The following KATNBL1 variants were observed in gnomAD, a reference collection of about 807,000 sequenced individuals.
KATNBL1 encodes the protein KATNB1-like protein 1.
KATNBL1 carries 28 observed loss-of-function variants against 44.7 expected under a neutral mutation model. The observed-to-expected ratio is 0.63, with a 90% CI of 0.46 to 0.86. KATNBL1 has a LOEUF of 0.86. Among genes scored for constraint, KATNBL1 ranks in the 40% least tolerant of loss-of-function variants. KATNBL1 has a pLI of 0.00. For synonymous variants in KATNBL1, 78 were observed against 114.9 expected (o/e 0.68, Z 2.06); for missense variants, 272 against 350.7 (o/e 0.78, Z 1.79).
chr15:34,174,540 T>G (rs895949655), intron 1 of KATNBL1, among the ~76,000 whole-genome samples: 3 of 152,172 alleles, frequency 2.0e-5, no homozygotes, highest in African/African-American at 7.2e-5. Flanking sequence ...AGCCAGAGAT[T>G]GATGGAGTAA....
intron 2 of KATNBL1, 89 bp from the exon 3 acceptor site, chr15:34,154,773 C>T (rs1399324663): frequency 5.7e-6 from 5 of 876,810 alleles, no homozygotes; most frequent in Non-Finnish European, 7.5e-6. Context: ...GCTTTCTCAG[C>T]AAGGCAATTT....
intron 1 of KATNBL1, among the ~76,000 whole-genome samples, chr15:34,167,732 C>T (rs529289702): frequency 2.8e-4 from 43 of 151,870 alleles, no homozygotes; most frequent in African/African-American, 9.6e-4. Flanking sequence ...AGACTAACAG[C>T]GCATTTCTCG....
intron 2 of KATNBL1, among the ~76,000 whole-genome samples, chr15:34,158,214 C>T (rs1168340449): frequency 6.6e-6 from 1 of 152,182 alleles, no homozygotes; most frequent in Non-Finnish European, 1.5e-5. Flanking sequence ...GACTGCATCA[C>T]ACATAGCTTG....
At position 34,154,659 on chromosome 15, in the gene KATNBL1, G is replaced by C. The variant is rs1888582694; in HGVS notation, c.143C>G (p.Ala48Gly). The C allele has an allele frequency of 6.3e-7, 1 of 1,585,734 alleles. No individual in the cohort carries two copies. Among genetic ancestry groups the C allele is most frequent in the African/African-American group, 1.3e-5 (1 of 74,302 alleles). The change falls in exon 3 of 10, where the codon GCT (alanine) becomes GGT (glycine). Residue 48 changes from alanine (A) to glycine (G), a missense_variant. Around this residue, in one of 3 missense-constraint regions of KATNBL1, gnomAD observed 122 missense variants for 125.0 expected, o/e 0.98. Coordinates refer to ENST00000256544, the MANE Select transcript of KATNBL1 (RefSeq NM_024713.3). The part of the protein sequence containing the change: ...KEVKKSPKQL[A>G]AYINRTVGQT... Reference sequence around the variant, plus strand: ...AAACTCTTACCTATTTATGTAAGCAGCCAACTGTTTTGGAGATTTCTTAAC... The same window carrying C: ...AAACTCTTACCTATTTATGTAAGCACCCAACTGTTTTGGAGATTTCTTAAC...
At chr15:34,170,739 T>C (rs551263373) in intron 1 of KATNBL1, among the ~76,000 whole-genome samples, 2 of 151,992 alleles carry the variant, frequency 1.3e-5, no homozygotes, top group African/African-American at 2.4e-5. Flanking sequence ...CCAAAACAGA[T>C]ATATAGACCA....
intron 1 of KATNBL1, among the ~76,000 whole-genome samples, chr15:34,169,381 C>A (rs1244498246): frequency 2.6e-5 from 4 of 152,174 alleles, no homozygotes; most frequent in Non-Finnish European, 4.4e-5. Flanking sequence ...CCTCCCAAGA[C>A]TAAACCAGGA....
intron 1 of KATNBL1, among the ~76,000 whole-genome samples, chr15:34,196,404 C>T (rs1890030538): frequency 2.6e-5 from 4 of 151,876 alleles, no homozygotes; most frequent in South Asian, 2.1e-4. Context: ...GGCAACAGAG[C>T]GAGACTTTGT....
rs1160480038 is a variant in KATNBL1 at position 34,209,938 on chromosome 15, G to C, written c.-15+13C>G. The C allele has an allele frequency of 1.3e-5, 2 of 151,706 alleles. No individual in the cohort carries two copies. Among genetic ancestry groups the C allele is most frequent in the African/African-American group, 4.8e-5 (2 of 41,386 alleles). The allele number at this position is 151,706 out of a possible 1,614,324, so 9.4% of individuals were successfully genotyped here. ...GCGGGCGCGGGGCTCGCACCGGCTC[G>C]GCAGTCACTTACCGGCGCCTCATGG... On this transcript the variant is annotated intron_variant, in intron 1 of 9. Coordinates refer to ENST00000256544, the MANE Select transcript of KATNBL1 (RefSeq NM_024713.3).
intron 9 of KATNBL1, 56 bp from the exon 10 acceptor site, chr15:34,142,427 A>G: frequency 6.6e-7 from 1 of 1,518,464 alleles, no homozygotes. Context: ...ACAAACATAA[A>G]CAATCCATTT....
At chr15:34,204,481 G>A (rs544111230) in intron 1 of KATNBL1, among the ~76,000 whole-genome samples, 1 of 152,128 alleles carries the variant, frequency 6.6e-6, no homozygotes, top group East Asian at 1.9e-4. Flanking sequence ...TCAGCCTTCC[G>A]TATTCATGGC....
chr15:34,169,364 C>T (rs545404323), intron 1 of KATNBL1, among the ~76,000 whole-genome samples: 40 of 152,198 alleles, frequency 2.6e-4, no homozygotes, highest in East Asian at 1.4e-3. Context: ...TTCCTGGATA[C>T]GTACACCCTC....
rs1451542967 is a variant in KATNBL1 at position 34,181,719 on chromosome 15, T to C, written c.-14-18029A>G. On this transcript the variant is annotated intron_variant, in intron 1 of 9. Coordinates refer to ENST00000256544, the MANE Select transcript of KATNBL1 (RefSeq NM_024713.3). ...ATATATATCCATATATATGGACATATATATGTCCATATATACACATATATA... is the reference window on the plus strand; with the variant it reads ...ATATATATCCATATATATGGACATACATATGTCCATATATACACATATATA... Among the ~76,000 whole-genome samples, 2 of 126,108 alleles carry C rather than the reference T, an allele frequency of 1.6e-5. 1 individual carries two copies. The highest frequency in any genetic ancestry group is 3.5e-5 in the Non-Finnish European group (2 of 57,346). The allele number at this position is 126,108 out of a possible 152,430, so 82.7% of individuals were successfully genotyped here.
At chr15:34,180,890 C>T (rs369297436) in intron 1 of KATNBL1, among the ~76,000 whole-genome samples, 5 of 151,914 alleles carry the variant, frequency 3.3e-5, no homozygotes, top group African/African-American at 9.7e-5. Flanking sequence ...TAGTGAGACC[C>T]GTCTCCAAAA....
intron 2 of KATNBL1, among the ~76,000 whole-genome samples, chr15:34,161,602 C>G (rs918525663): frequency 6.6e-6 from 1 of 152,176 alleles, no homozygotes; most frequent in African/African-American, 2.4e-5. Context: ...TTATCCCTAA[C>G]GCAGCTAGTC....
intron 1 of KATNBL1, among the ~76,000 whole-genome samples, chr15:34,174,583 A>G (rs1245729733): frequency 6.6e-6 from 1 of 152,212 alleles, no homozygotes; most frequent in East Asian, 1.9e-4. Flanking sequence ...TACGTTGTCC[A>G]CAAGAAACTC....
rs112855647 is a variant in KATNBL1, at chr15:34,145,725, C to T, written c.789-234G>A. Reference sequence around the variant, plus strand: ...AATTAAAGGTTTATCCACATAATACCGCCAAATGCCTCCTATTTAATTAAT... The same window carrying T: ...AATTAAAGGTTTATCCACATAATACTGCCAAATGCCTCCTATTTAATTAAT... On this transcript the variant is annotated intron_variant, in intron 8 of 9. Coordinates refer to ENST00000256544, the MANE Select transcript of KATNBL1 (RefSeq NM_024713.3). 2.2e-3 allele frequency: 454 copies of T among 207,688 alleles called. 4 individuals are homozygous for T. Among genetic ancestry groups the T allele is most frequent in the African/African-American group, 9.9e-3 (430 of 43,474 alleles). The allele number at this position is 207,688 out of a possible 1,614,324, so 12.9% of individuals were successfully genotyped here. A position where few individuals can be genotyped will look rare whatever the true frequency, so the allele number is the denominator to read the frequency against.
chr15:34,159,493 G>T (rs1888734639), intron 2 of KATNBL1, among the ~76,000 whole-genome samples: 1 of 152,098 alleles, frequency 6.6e-6, no homozygotes, highest in Non-Finnish European at 1.5e-5. Flanking sequence ...AGACATACAG[G>T]GTTCAAGAAG....
chr15:34,142,952 T>C, intron 9 of KATNBL1: 1 of 550,012 alleles, frequency 1.8e-6, no homozygotes, highest in Non-Finnish European at 3.0e-6. Flanking sequence ...GCTCGTGATC[T>C]GCCCACCTTG....
At chr15:34,163,482 TA>T in intron 2 of KATNBL1, 77 bp downstream of exon 2, 1 of 1,506,304 alleles carries the variant, frequency 6.6e-7, no homozygotes, top group Non-Finnish European at 8.9e-7. Context: ...TCCCATTGTT[TA>T]AACAATTCAA....
Sources: allele counts gnomAD v4.1 joint callset (sites outside exome capture counted in the v4.1 genomes callset), GRCh38; gene constraint gnomAD v4.1.1; regional missense constraint gnomAD v4.1.1; transcripts MANE v1.5; gene names NCBI Gene and HGNC (gene_info 2026-07-23, HGNC 2026-07-21).